AK5: variants seen among roughly 807,000 people sequenced by gnomAD.
AK5 encodes the protein adenylate kinase 5, also known as adenylate kinase isoenzyme 5.
A neutral mutation model predicts 69.5 loss-of-function variants in AK5; 27 were observed. The ratio of observed to expected loss-of-function variants is 0.39; its 90% confidence interval spans 0.29 to 0.54. AK5 has a LOEUF of 0.54. Among genes scored for constraint, AK5 ranks in the 20% least tolerant of loss-of-function variants. The probability of loss-of-function intolerance (pLI) is 0.71; values close to 1 mark genes in which losing one functional copy is unlikely to be tolerated. For synonymous variants in AK5, 260 were observed against 244.4 expected (o/e 1.06, Z -0.60); for missense variants, 531 against 700.4 (o/e 0.76, Z 2.73).
chr1:77,402,651 T>C (rs1361049696), intron 6 of AK5, among the ~76,000 whole-genome samples: 4 of 152,166 alleles, frequency 2.6e-5, no homozygotes, highest in Non-Finnish European at 2.9e-5. Flanking sequence ...CTGCATAGTA[T>C]TCCATGGTGT....
At chr1:77,323,837 G>T (rs894567489) in intron 5 of AK5, among the ~76,000 whole-genome samples, 10 of 152,178 alleles carry the variant, frequency 6.6e-5, no homozygotes, top group African/African-American at 2.4e-4. Flanking sequence ...ATAGAGGAGA[G>T]AAATATTTGG....
intron 5 of AK5, among the ~76,000 whole-genome samples, chr1:77,309,258 A>G (rs1377433058): frequency 6.6e-6 from 1 of 152,080 alleles, no homozygotes; most frequent in East Asian, 1.9e-4. Context: ...TAAAAATTGA[A>G]AAAAAGAAAG....
At position 77,456,409 on chromosome 1, in the gene AK5, C is replaced by T. The variant is rs934056909; in HGVS notation, c.1060-26908C>T. Among the ~76,000 whole-genome samples the T allele has an allele frequency of 9.5e-4, 145 of 152,292 alleles. 1 individual carries two copies. Among genetic ancestry groups the T allele is most frequent in the Admixed American group, 3.9e-4 (6 of 15,290 alleles). ...GCATCTGCCTGAATACAGATGTCTC[C>T]GAAGGTTAACAGCCTGTTCTGGTGT... On this transcript the variant is annotated intron_variant, in intron 8 of 13. Transcript: ENST00000354567.
intron 10 of AK5, among the ~76,000 whole-genome samples, chr1:77,490,407 A>G (rs551773564): frequency 1.3e-5 from 2 of 152,318 alleles, no homozygotes; most frequent in Non-Finnish European, 2.9e-5. Context: ...CAAGTGTACC[A>G]TCTGCACCAA....
At chr1:77,483,189 C>T (rs1179681583) in intron 8 of AK5, 128 bp from the exon 9 acceptor site, 2 of 681,978 alleles carry the variant, frequency 2.9e-6, no homozygotes, top group Non-Finnish European at 5.3e-6. Context: ...AAATATTGTC[C>T]CTCATAAAAT....
intron 6 of AK5, among the ~76,000 whole-genome samples, chr1:77,390,206 C>G (rs181016251): frequency 6.6e-6 from 1 of 152,122 alleles, no homozygotes; most frequent in Non-Finnish European, 1.5e-5. Flanking sequence ...CATTCCTACC[C>G]AGGTAAAATC....
At chr1:77,354,678 A>T (rs138953741) in intron 6 of AK5, among the ~76,000 whole-genome samples, 1 of 152,354 alleles carries the variant, frequency 6.6e-6, no homozygotes, top group African/African-American at 2.4e-5. Flanking sequence ...TAATGCTTCA[A>T]ATTTGAGCTT....
chr1:77,429,384 G>T (rs959804886), intron 8 of AK5, among the ~76,000 whole-genome samples: 60 of 152,036 alleles, frequency 3.9e-4, no homozygotes, highest in Non-Finnish European at 8.1e-4. Flanking sequence ...GTGTCTTTTG[G>T]CTGCATAAAT....
At chr1:77,524,838 C>A (rs1163625119) in intron 12 of AK5, among the ~76,000 whole-genome samples, 1 of 152,092 alleles carries the variant, frequency 6.6e-6, no homozygotes, top group African/African-American at 2.4e-5. Flanking sequence ...GCCTTCCCTC[C>A]GTATTTTCTT....
At chr1:77,520,948 C>A (rs1452801559) in intron 11 of AK5, among the ~76,000 whole-genome samples, 2 of 152,166 alleles carry the variant, frequency 1.3e-5, no homozygotes, top group Non-Finnish European at 2.9e-5. Flanking sequence ...TTGCGTTTTT[C>A]CTCTACCAAT....
At chr1:77,333,989 C>G (rs1235660565) in intron 5 of AK5, among the ~76,000 whole-genome samples, 2 of 152,092 alleles carry the variant, frequency 1.3e-5, no homozygotes, top group East Asian at 1.9e-4. Context: ...TTTTACTATT[C>G]TTTTATATGG....
chr1:77,283,349 G>C, intron 1 of AK5: 1 of 985,372 alleles, frequency 1.0e-6, no homozygotes, highest in Non-Finnish European at 1.2e-6. Flanking sequence ...AGCTCTGAAA[G>C]GAGAAATCCA....
chr1:77,290,239 C>T (rs928907231), intron 2 of AK5, among the ~76,000 whole-genome samples: 1 of 152,242 alleles, frequency 6.6e-6, no homozygotes, highest in South Asian at 2.1e-4. Context: ...TGTAATAATA[C>T]AATTCTGTTT....
At chr1:77,414,824 T>A (rs1450677475) in intron 7 of AK5, among the ~76,000 whole-genome samples, 1 of 152,192 alleles carries the variant, frequency 6.6e-6, no homozygotes, top group Non-Finnish European at 1.5e-5. Context: ...AAGAAGGCAG[T>A]AATGTGTACA....
chr1:77,301,162 G>A (rs10782646), intron 5 of AK5, among the ~76,000 whole-genome samples: 47,588 of 152,112 alleles, frequency 0.31, 7,587 homozygotes, highest in Middle Eastern at 0.36. Flanking sequence ...CATATGAACA[G>A]TCCAGCTTGA....
chr1:77,521,998 GT>G, intron 12 of AK5, 55 bp downstream of exon 12: 1 of 1,327,144 alleles, frequency 7.5e-7, no homozygotes, highest in Non-Finnish European at 1.0e-6. Flanking sequence ...CATCCTTGAG[GT>G]TGGGTGATAA....
intron 8 of AK5, among the ~76,000 whole-genome samples, chr1:77,466,855 A>G (rs1270836805): frequency 6.6e-6 from 1 of 152,152 alleles, no homozygotes; most frequent in African/African-American, 2.4e-5. Context: ...TTTTCAACAC[A>G]TGAGTCTTGG....
At chr1:77,403,294 A>C (rs912463448) in intron 6 of AK5, among the ~76,000 whole-genome samples, 6 of 152,082 alleles carry the variant, frequency 3.9e-5, no homozygotes, top group Admixed American at 3.9e-4. Context: ...GAAGCTCTTT[A>C]GTTTAATTAG....
intron 2 of AK5, among the ~76,000 whole-genome samples, chr1:77,291,622 C>T (rs1658690406): frequency 6.6e-6 from 1 of 152,080 alleles, no homozygotes; most frequent in Non-Finnish European, 1.5e-5. Context: ...TGAGTTTTCT[C>T]TATGGGAAAC....
Sources: gnomAD v4.1 joint callset for allele counts (sites outside exome capture counted in the v4.1 genomes callset) on GRCh38, gnomAD v4.1.1 for gene constraint, MANE v1.5 for transcripts, NCBI Gene and HGNC (gene_info 2026-07-23, HGNC 2026-07-21) for gene names.